Variants in ATM observed in about 807,000 individuals in gnomAD.
ATM encodes the protein ATM serine/threonine kinase, also known as serine-protein kinase ATM.
Under a neutral mutation model 387.0 loss-of-function variants are expected in ATM, and 308 were observed. The ratio of observed to expected loss-of-function variants is 0.80; its 90% confidence interval spans 0.73 to 0.87. The LOEUF is 0.87. ATM is among the 40% of genes least tolerant of loss of function. The pLI is 0.00. For missense variants in ATM, 3,312 were observed against 3,560.9 expected (o/e 0.93, Z 1.78); for synonymous variants, 1,156 against 1,187.3 (o/e 0.97, Z 0.54).
At chr11:108,356,301 C>T (rs373897737) in intron 61 of ATM, among the ~76,000 whole-genome samples, 2 of 152,008 alleles carry the variant, frequency 1.3e-5, no homozygotes, top group South Asian at 2.1e-4. Flanking sequence ...TTTGAGAGGC[C>T]GAGACAGGTG....
At chr11:108,264,010 G>C (rs1266353795) in intron 16 of ATM, among the ~76,000 whole-genome samples, 1 of 149,840 alleles carries the variant, frequency 6.7e-6, no homozygotes, top group East Asian at 1.9e-4. Context: ...ACAAAAAAGA[G>C]TCCAGGACCA....
intron 61 of ATM, chr11:108,355,132 A>ATTCTT: frequency 2.1e-6 from 1 of 479,742 alleles, no homozygotes; most frequent in Non-Finnish European, 3.8e-6. Context: ...TCATAAATCA[A>ATTCTT]TTCTTTGACA....
intron 5 of ATM, among the ~76,000 whole-genome samples, chr11:108,237,002 G>A (rs529458537): frequency 1.3e-5 from 2 of 151,794 alleles, no homozygotes; most frequent in Admixed American, 1.3e-4. Context: ...AAGTATTTAA[G>A]CTAAATTTTG....
intron 58 of ATM, 36 bp from the exon 59 acceptor site, chr11:108,347,243 C>T (rs2137075681): frequency 7.1e-7 from 1 of 1,415,136 alleles, no homozygotes; most frequent in Admixed American, 1.7e-5. Context: ...GAGATGGAAT[C>T]AGTGATTTCA....
Position 108,279,519 on chromosome 11 carries a change from T to C in ATM, c.3313T>C (p.Ser1105Pro). The C allele has an allele frequency of 6.2e-7, 1 of 1,613,098 alleles. No homozygotes were observed. ...GTTCCAGGACACGAAGGGAGATTCT[T>C]CCAGGTTACTGAAAGCACTTCCTTT... ...RLFQDTKGDS[S>P]RLLKALPLKL... The change falls in exon 23 of 63, where the codon TCC becomes CCC. Residue 1105 changes from serine to proline, a missense_variant. By Grantham distance (74) the Ser-to-Pro change is moderately conservative. Around this residue, in one of 4 missense-constraint regions of ATM, gnomAD observed 1,791 missense variants for 1,804.5 expected, o/e 0.99. Transcript: ENST00000675843.
Position 108,248,997 on chromosome 11 carries a change from C to G in ATM, c.1130C>G (p.Ser377Cys), listed in dbSNP as rs1555069665. 6.2e-7 allele frequency: 1 copy of G among 1,613,080 alleles called. No homozygotes were observed. Among genetic ancestry groups the G allele is most frequent in the African/African-American group, 1.3e-5 (1 of 74,982 alleles). ...TCTTACACTACTACACAAAGAGAATCTAGTGATTACAGTGTCCCTTGCAAA... is the reference window on the plus strand; with the variant it reads ...TCTTACACTACTACACAAAGAGAATGTAGTGATTACAGTGTCCCTTGCAAA... ...SQSYTTTQRE[S>C]SDYSVPCKRK... Residue 377 changes from serine to cysteine, a missense_variant, in exon 9 of 63, where the codon TCT becomes TGT. Ser to Cys is a moderately radical substitution (Grantham distance 112). This residue lies in a region of ATM where 1,791 missense variants were observed against 1,804.5 expected (regional missense o/e 0.99). Transcript: ENST00000675843.
In ATM at chr11:108,368,766, A is replaced by G. The variant is rs981716144; in HGVS notation, c.*3258A>G. ...TACTTTGTGCAGGTCATACCTCCCCAAAGTGTTTACCTAATCAGTAGGTTC... is the reference window on the plus strand; with the variant it reads ...TACTTTGTGCAGGTCATACCTCCCCGAAGTGTTTACCTAATCAGTAGGTTC... On this transcript the variant is annotated 3_prime_UTR_variant, in exon 63 of 63. Transcript: ENST00000675843. The G allele has an allele frequency of 2.4e-5, 5 of 211,400 alleles. No individual in the cohort carries two copies. The highest frequency in any genetic ancestry group is 3.8e-5 in the Non-Finnish European group (4 of 104,264). The allele number at this position is 211,400 out of a possible 1,614,324, so 13.1% of individuals were successfully genotyped here.
chr11:108,231,394 C>G (rs2079003851), intron 4 of ATM: 1 of 152,008 alleles, frequency 6.6e-6, no homozygotes, highest in Admixed American at 6.6e-5. Flanking sequence ...GATACCAACT[C>G]TTAATTTAAG....
At chr11:108,229,127 A>C in intron 3 of ATM, 51 bp from the exon 4 acceptor site, 1 of 1,556,120 alleles carries the variant, frequency 6.4e-7, no homozygotes, top group Non-Finnish European at 8.8e-7. Flanking sequence ...TGAAATTATT[A>C]TAATTTAAGT....
chr11:108,320,346 A>G (rs2085112829), intron 44 of ATM, among the ~76,000 whole-genome samples: 1 of 152,170 alleles, frequency 6.6e-6, no homozygotes, highest in South Asian at 2.1e-4. Context: ...CTCTTTTGGT[A>G]ATTGTATGGC....
rs1555101635 is a variant in ATM, at chr11:108,294,936, C to T, written c.4786C>T (p.His1596Tyr). The T allele has an allele frequency of 6.2e-7, 1 of 1,613,564 alleles. No individual in the cohort carries two copies. The highest frequency in any genetic ancestry group is 8.5e-7 in the Non-Finnish European group (1 of 1,179,748). ...GPFSLLEEIN[H>Y]FLSVSVYDAL... ...ACATTTTCTCTTTTAGGAAATTAAC[C>T]ATTTTCTCTCAGTAAGTGTTTATGA... The change falls in exon 32 of 63, where the codon CAT becomes TAT. Residue 1596 changes from histidine (H) to tyrosine (Y), a missense_variant. His to Tyr is a moderately conservative substitution (Grantham distance 83). Transcript: ENST00000675843.
At chr11:108,282,308 T>G (rs1186146229) in intron 24 of ATM, among the ~76,000 whole-genome samples, 3 of 152,196 alleles carry the variant, frequency 2.0e-5, no homozygotes, top group Admixed American at 6.5e-5. Context: ...GCTAATTTAT[T>G]ATACAGACGG....
At position 108,229,338 on chromosome 11, in the gene ATM, A is replaced by C. The variant is rs753168614; in HGVS notation, c.331+15A>C. ...TGCAAACAGAAGTAAGTGATGTTAT[A>C]AATTATAAATAAATGGCTTAACAGA... is the stretch of plus-strand genomic sequence containing the variant. On this transcript the variant is annotated intron_variant, in intron 4 of 62. Coordinates refer to ENST00000675843, the MANE Select transcript of ATM (RefSeq NM_000051.4). The C allele has an allele frequency of 6.2e-7, 1 of 1,610,020 alleles. No individual in the cohort carries two copies. Among genetic ancestry groups the C allele is most frequent in the Non-Finnish European group, 8.5e-7 (1 of 1,177,574 alleles).
rs866191653 is a variant in ATM, at chr11:108,326,199, A to G, written c.6949A>G (p.Lys2317Glu). 6.2e-7 allele frequency: 1 copy of G among 1,614,174 alleles called. No homozygotes were observed. The highest frequency in any genetic ancestry group is 1.1e-5 in the South Asian group (1 of 91,076). ...CCTGAGTATTCTCAAGCAAATGATCAAGAAGTTGGATGCCAGCTGTGCAGC... is the reference window on the plus strand; with the variant it reads ...CCTGAGTATTCTCAAGCAAATGATCGAGAAGTTGGATGCCAGCTGTGCAGC... Reference protein sequence around the residue: ...LALSILKQMIKKLDASCAANN... With the variant: ...LALSILKQMIEKLDASCAANN... Residue 2317 changes from lysine (K) to glutamate (E), a missense_variant, in exon 47 of 63, where the codon AAG becomes GAG. Lys to Glu is a moderately conservative substitution (Grantham distance 56). This residue lies in a region of ATM where 1,405 missense variants were observed against 1,604.4 expected (regional missense o/e 0.88). Coordinates refer to ENST00000675843, the MANE Select transcript of ATM (RefSeq NM_000051.4).
intron 61 of ATM, among the ~76,000 whole-genome samples, chr11:108,357,646 C>T (rs1222489294): frequency 1.6e-4 from 24 of 152,210 alleles, no homozygotes; most frequent in Admixed American, 2.6e-4. Context: ...CCCTGACCCC[C>T]GAGCAGCCTA....
At chr11:108,261,055 T>TG (rs552614867) in intron 16 of ATM, among the ~76,000 whole-genome samples, 1 of 149,300 alleles carries the variant, frequency 6.7e-6, no homozygotes, top group African/African-American at 2.5e-5. Context: ...GCAGCGAGGC[T>TG]GGGGGAGGGA....
At position 108,335,862 on chromosome 11, in the gene ATM, A is replaced by G. The variant is rs780495319; in HGVS notation, c.8169A>G (p.Arg2723=). The G allele has an allele frequency of 1.1e-5, 17 of 1,613,876 alleles. No individual in the cohort carries two copies. The South Asian group carries it at 1.8e-4, about 17-fold the overall frequency. The change falls in exon 56 of 63, where the codon AGA becomes AGG. Residue 2723 remains arginine, a synonymous_variant. Transcript: ENST00000675843. ...RQLVKGRDDL[R]QDAVMQQVFQ... ...TTCTGAAGGGCCGTGATGACCTGAGACAAGATGCTGTCATGCAACAGGTCT... is the reference window on the plus strand; with the variant it reads ...TTCTGAAGGGCCGTGATGACCTGAGGCAAGATGCTGTCATGCAACAGGTCT...
At chr11:108,228,514 A>G (rs2078852996) in intron 3 of ATM, among the ~76,000 whole-genome samples, 1 of 152,226 alleles carries the variant, frequency 6.6e-6, no homozygotes, top group Admixed American at 6.5e-5. Flanking sequence ...TAAACTAGAA[A>G]TAACATTTGT....
Position 108,245,471 on chromosome 11 carries a change from C to G in ATM, c.901+445C>G, listed in dbSNP as rs189830648. On this transcript the variant is annotated intron_variant, in intron 7 of 62. Transcript: ENST00000675843. ...TCCTGAGGAAGATACATACATATTACTTTAATAGGAATTTGAGGCAGAAAC... is the reference window on the plus strand; with the variant it reads ...TCCTGAGGAAGATACATACATATTAGTTTAATAGGAATTTGAGGCAGAAAC... Among the ~76,000 whole-genome samples the G allele has an allele frequency of 1.4e-4, 22 of 152,258 alleles. No homozygotes were observed. In the East Asian group the frequency reaches 4.1e-3, roughly 28 times the overall value.
Sources: allele counts gnomAD v4.1 joint callset (sites outside exome capture counted in the v4.1 genomes callset), GRCh38; gene constraint gnomAD v4.1.1; regional missense constraint gnomAD v4.1.1; transcripts MANE v1.5; gene names NCBI Gene and HGNC (gene_info 2026-07-23, HGNC 2026-07-21).